Variants in HCN1 observed in about 807,000 individuals in gnomAD.
HCN1 encodes the protein potassium/sodium hyperpolarization-activated cyclic nucleotide-gated channel 1.
Under a neutral mutation model 78.9 loss-of-function variants are expected in HCN1, and 13 were observed. The ratio of observed to expected loss-of-function variants is 0.16; its 90% CI spans 0.11 to 0.26. The LOEUF is 0.26. Among genes scored for constraint, HCN1 ranks in the 10% least tolerant of loss-of-function variants. HCN1 has a pLI of 1.00. For synonymous variants in HCN1, 552 were observed against 455.5 expected (o/e 1.21, Z -2.70); for missense variants, 810 against 1,154.3 (o/e 0.70, Z 4.32).
Position 45,665,699 on chromosome 5 carries a change from C to T in HCN1, c.426-20091G>A, listed in dbSNP as rs191415519. On this transcript the variant is annotated intron_variant, in intron 1 of 7. Transcript: ENST00000303230. ...ATAATTTTGTTGTGTTTGCAGATTA[C>T]TAACTCAAAAGTCATTATTTCAAAA... is the stretch of plus-strand genomic sequence containing the variant. Among the ~76,000 whole-genome samples, 46 of 152,136 alleles carry T rather than the reference C, an allele frequency of 3.0e-4. 1 individual carries two copies. In the East Asian group the frequency reaches 6.8e-3, roughly 22 times the overall value.
At chr5:45,494,820 C>G (rs1741988396) in intron 2 of HCN1, among the ~76,000 whole-genome samples, 1 of 152,282 alleles carries the variant, frequency 6.6e-6, no homozygotes, top group African/African-American at 2.4e-5. Context: ...CTACATATGG[C>G]TAGCCAGTTT....
At chr5:45,687,108 T>C (rs1419738884) in intron 1 of HCN1, among the ~76,000 whole-genome samples, 1 of 152,232 alleles carries the variant, frequency 6.6e-6, no homozygotes, top group African/African-American at 2.4e-5. Context: ...CTTTGTTACA[T>C]CGTCATTTAC....
chr5:45,322,291 T>A (rs1254027524), intron 5 of HCN1, among the ~76,000 whole-genome samples: 2 of 151,896 alleles, frequency 1.3e-5, no homozygotes, highest in African/African-American at 2.4e-5. Context: ...TGTGTTTGTG[T>A]GTTATGTGAA....
chr5:45,442,579 G>GTA (rs1178891138), intron 3 of HCN1, among the ~76,000 whole-genome samples: 6 of 150,226 alleles, frequency 4.0e-5, no homozygotes, highest in African/African-American at 1.2e-4. Context: ...ATAGGTATGT[G>GTA]TATATATATG....
In HCN1 at chr5:45,297,047, A is replaced by G. The variant is rs189800493; in HGVS notation, c.1618+6552T>C. ...ATAGAGGTGTGATGTGGGAAATCAG[A>G]GGTCTCACAGCCTTCAGAGCTGAGA... On this transcript the variant is annotated intron_variant, in intron 6 of 7. Transcript: ENST00000303230. 7.0e-4 allele frequency among the ~76,000 whole-genome samples: 106 copies of G among 152,162 alleles called. 1 individual carries two copies. In the East Asian group the frequency reaches 0.013, roughly 18 times the overall value.
At position 45,391,991 on chromosome 5, in the gene HCN1, A is replaced by G. The variant is rs972930806; in HGVS notation, c.1230+4501T>C. 2.6e-5 allele frequency among the ~76,000 whole-genome samples: 4 copies of G among 152,282 alleles called. No homozygotes were observed. The South Asian group carries it at 8.3e-4, about 32-fold the overall frequency. On this transcript the variant is annotated intron_variant, in intron 4 of 7. Transcript: ENST00000303230. ...GGAGTGAAGGTAAGAATCACTTGGTATGTTGAGAGAACAATGATCCTTAAG... is the reference window on the plus strand; with the variant it reads ...GGAGTGAAGGTAAGAATCACTTGGTGTGTTGAGAGAACAATGATCCTTAAG...
chr5:45,598,057 A>T (rs1278108836), intron 2 of HCN1, among the ~76,000 whole-genome samples: 1 of 152,204 alleles, frequency 6.6e-6, no homozygotes, highest in Non-Finnish European at 1.5e-5. Flanking sequence ...AGAATTGGAA[A>T]AAAACTACTT....
chr5:45,628,046 C>G (rs1319627459), intron 2 of HCN1, among the ~76,000 whole-genome samples: 1 of 152,170 alleles, frequency 6.6e-6, no homozygotes, highest in East Asian at 1.9e-4. Flanking sequence ...GATTTCCACA[C>G]CAGAGTAGAG....
intron 2 of HCN1, among the ~76,000 whole-genome samples, chr5:45,495,925 C>A (rs989681525): frequency 8.5e-5 from 13 of 152,118 alleles, no homozygotes; most frequent in Admixed American, 5.2e-4. Flanking sequence ...GTATATTGAA[C>A]CAGCCTTGCA....
chr5:45,263,498 G>A (rs2111841293), intron 7 of HCN1, among the ~76,000 whole-genome samples: 1 of 152,304 alleles, frequency 6.6e-6, no homozygotes, highest in African/African-American at 2.4e-5. Flanking sequence ...TCCTGGGCCT[G>A]ACCCCACTTG....
chr5:45,319,204 G>T (rs761047279), intron 5 of HCN1, among the ~76,000 whole-genome samples: 5 of 151,952 alleles, frequency 3.3e-5, no homozygotes, highest in African/African-American at 7.2e-5. Flanking sequence ...TTTGGCTTGA[G>T]TGTACACCAT....
At chr5:45,401,057 A>G (rs1306970680) in intron 3 of HCN1, among the ~76,000 whole-genome samples, 1 of 152,176 alleles carries the variant, frequency 6.6e-6, no homozygotes, top group Non-Finnish European at 1.5e-5. Context: ...ACTACAAACT[A>G]TTCTTTAATT....
Position 45,258,474 on chromosome 5 carries a change from A to G in HCN1, c.*3447T>C, listed in dbSNP as rs1303945813. On this transcript the variant is annotated 3_prime_UTR_variant, in exon 8 of 8. Transcript: ENST00000303230. ...AAGAGGTCATCCAGACCTGGAGACA[A>G]GCTACTTTTTTGGTGAATAGAATAT... The G allele has an allele frequency of 6.6e-6, 1 of 152,158 alleles. No homozygotes were observed. The highest frequency in any genetic ancestry group is 1.5e-5 in the Non-Finnish European group (1 of 67,998). The allele number at this position is 152,158 out of a possible 1,614,324, so 9.4% of individuals were successfully genotyped here.
intron 1 of HCN1, among the ~76,000 whole-genome samples, chr5:45,657,763 A>G (rs1289574100): frequency 2.0e-5 from 3 of 152,196 alleles, no homozygotes; most frequent in Non-Finnish European, 2.9e-5. Flanking sequence ...ATGGAATAAC[A>G]TTCCATGCTC....
At chr5:45,365,688 C>A (rs759988760) in intron 4 of HCN1, among the ~76,000 whole-genome samples, 6 of 151,670 alleles carry the variant, frequency 4.0e-5, no homozygotes, top group Non-Finnish European at 5.9e-5. Flanking sequence ...TTATTTATTT[C>A]TTTTTGGGTC....
At chr5:45,683,650 C>T (rs547703742) in intron 1 of HCN1, among the ~76,000 whole-genome samples, 355 of 151,836 alleles carry the variant, frequency 2.3e-3, no homozygotes, top group African/African-American at 8.1e-3. Context: ...TATATATACA[C>T]ACACACACAC....
chr5:45,690,752 T>C (rs1264774021), intron 1 of HCN1, among the ~76,000 whole-genome samples: 2 of 152,092 alleles, frequency 1.3e-5, no homozygotes, highest in Non-Finnish European at 2.9e-5. Flanking sequence ...TAATTCATAG[T>C]TTGTTACTCC....
chr5:45,492,902 T>C (rs1741921188), intron 2 of HCN1, among the ~76,000 whole-genome samples: 1 of 152,148 alleles, frequency 6.6e-6, no homozygotes, highest in Admixed American at 6.6e-5. Flanking sequence ...AACTAGAGTA[T>C]GGAAAGCTTA....
At chr5:45,393,594 A>C (rs1438674698) in intron 4 of HCN1, among the ~76,000 whole-genome samples, 1 of 152,174 alleles carries the variant, frequency 6.6e-6, no homozygotes, top group Non-Finnish European at 1.5e-5. Context: ...ATGAAGGTCA[A>C]AGATGGCATG....
Sources: gnomAD v4.1 joint callset for allele counts (sites outside exome capture counted in the v4.1 genomes callset) on GRCh38, gnomAD v4.1.1 for gene constraint, MANE v1.5 for transcripts, NCBI Gene and HGNC (gene_info 2026-07-23, HGNC 2026-07-21) for gene names.